The following KLF17 variants were observed in gnomAD, a reference collection of about 807,000 sequenced individuals.
KLF17 encodes Krueppel-like factor 17.
KLF17 carries 31 observed loss-of-function variants against 34.2 expected under a neutral mutation model. The ratio of observed to expected loss-of-function variants is 0.91; its 90% confidence interval spans 0.68 to 1.22. The LOEUF (loss-of-function observed/expected upper bound fraction) is 1.22. Among genes scored for constraint, KLF17 ranks in the 50% most tolerant of loss-of-function variants. The probability of loss-of-function intolerance (pLI) is 0.00; values close to 1 mark genes in which losing one functional copy is unlikely to be tolerated. For synonymous variants in KLF17, 179 were observed against 186.7 expected (o/e 0.96, Z 0.34); for missense variants, 478 against 505.2 (o/e 0.95, Z 0.52).
the KLF17 span, among the ~76,000 whole-genome samples, chr1:44,069,469 CGAGAGAGAGAGAGAGAGA>C: frequency 1.8e-4 from 23 of 127,082 alleles, no homozygotes; most frequent in African/African-American, 2.4e-4. This position sits in a 1 kb window ranked among gnomAD's most constrained non-coding sequence, Gnocchi z 4.7. Flanking sequence ...TGTTACATGG[CGAGAGAGAGAGAGAGAGA>C]GAGAGAGAGA....
At position 44,125,054 on chromosome 1, in the gene KLF17, G is replaced by A. The variant is rs79067932; in HGVS notation, c.82-4299G>A. On this transcript the variant is annotated intron_variant, in intron 1 of 3. Coordinates refer to ENST00000372299, the MANE Select transcript of KLF17 (RefSeq NM_173484.4). Reference sequence around the variant, plus strand: ...AATCATGTAGAAAACAAAAAGTGGAGTTATATATCAAAGTTAAAATAATAC... The same window carrying A: ...AATCATGTAGAAAACAAAAAGTGGAATTATATATCAAAGTTAAAATAATAC... 6.1e-4 allele frequency among the ~76,000 whole-genome samples: 93 copies of A among 152,236 alleles called. 1 individual carries two copies. In the East Asian group the frequency reaches 0.018, roughly 29 times the overall value.
chr1:44,078,946 A>G, the KLF17 span, among the ~76,000 whole-genome samples: 65 of 152,276 alleles, frequency 4.3e-4, no homozygotes, highest in Admixed American at 3.5e-3. Flanking sequence ...CAGCCTCCCA[A>G]AGTGCTGGGA....
At chr1:44,056,486 C>A in the KLF17 span, among the ~76,000 whole-genome samples, 1 of 152,152 alleles carries the variant, frequency 6.6e-6, no homozygotes, top group African/African-American at 2.4e-5. Context: ...CAAGCCACTC[C>A]GTGAAGCTCT....
Position 44,134,325 on chromosome 1 carries a change from A to AT in KLF17, c.*1090dup, listed in dbSNP as rs1397165056. 6.6e-6 allele frequency: 1 copy of AT among 152,118 alleles called. No homozygotes were observed. Among genetic ancestry groups the AT allele is most frequent in the African/African-American group, 2.4e-5 (1 of 41,412 alleles). 9.4% of individuals were successfully genotyped at this position (152,118 alleles called of 1,614,324 possible). A position where few individuals can be genotyped will look rare whatever the true frequency, so the allele number is the denominator to read the frequency against. ...GCAGGCGGATCATTTGAGGTTAGAG[A>AT]TTCGAGACCAGCCGGGCCAACATGG... On this transcript the variant is annotated 3_prime_UTR_variant, in exon 4 of 4. Coordinates refer to ENST00000372299, the MANE Select transcript of KLF17 (RefSeq NM_173484.4).
the KLF17 span, among the ~76,000 whole-genome samples, chr1:44,069,383 G>A: frequency 6.6e-6 from 1 of 152,000 alleles, no homozygotes; most frequent in East Asian, 1.9e-4. The surrounding 1 kb of genome is among the most constrained non-coding windows in gnomAD (Gnocchi z 4.7). Flanking sequence ...GGTTCTGCAG[G>A]CTGTCAGGAA....
intron 1 of KLF17, among the ~76,000 whole-genome samples, chr1:44,127,175 C>G (rs2088018842): frequency 6.6e-6 from 1 of 151,736 alleles, no homozygotes; most frequent in South Asian, 2.1e-4. Context: ...TCCCAAAGAG[C>G]TAGGATCATA....
In KLF17 at chr1:44,133,522, A is replaced by G. The variant is rs1279842243; in HGVS notation, c.*285A>G. On this transcript the variant is annotated 3_prime_UTR_variant, in exon 4 of 4. Coordinates refer to ENST00000372299, the MANE Select transcript of KLF17 (RefSeq NM_173484.4). ...TGGACATATACCGTTGGACATGTCTATCTTCTGGAAACTATGGCATGGACA... is the reference window on the plus strand; with the variant it reads ...TGGACATATACCGTTGGACATGTCTGTCTTCTGGAAACTATGGCATGGACA... 6.6e-6 allele frequency: 1 copy of G among 152,246 alleles called. No homozygotes were observed. The highest frequency in any genetic ancestry group is 6.5e-5 in the Admixed American group (1 of 15,286). 9.4% of individuals were successfully genotyped at this position (152,246 alleles called of 1,614,324 possible).
chr1:44,098,482 T>G, the KLF17 span, among the ~76,000 whole-genome samples: 1 of 150,900 alleles, frequency 6.6e-6, no homozygotes, highest in Admixed American at 6.6e-5. Context: ...TATTATTATT[T>G]TTTTTAAAAA....
At chr1:44,076,973 T>G in the KLF17 span, among the ~76,000 whole-genome samples, 1 of 149,298 alleles carries the variant, frequency 6.7e-6, no homozygotes, top group East Asian at 2.0e-4. Context: ...TGGCATCAAG[T>G]GATCCTCCTA....
rs749005256 is a variant in KLF17, at chr1:44,129,677, G to A, written c.406G>A (p.Gly136Arg). 5 of 1,614,180 alleles carry A rather than the reference G, an allele frequency of 3.1e-6. No homozygotes were observed. In the Admixed American group the frequency reaches 6.7e-5, roughly 22 times the overall value. The change falls in exon 2 of 4, where the codon GGA becomes AGA. Residue 136 changes from glycine (G) to arginine (R), a missense_variant. Physicochemically the swap from Gly to Arg is moderately radical, Grantham distance 125. Transcript: ENST00000372299. The part of the protein sequence containing the change: ...IFSGPQLMPV[G>R]EPNIPRVARP... Reference sequence around the variant, plus strand: ...CAGTGGGCCCCAACTAATGCCCGTAGGAGAGCCCAATATTCCAAGGGTAGC... The same window carrying A: ...CAGTGGGCCCCAACTAATGCCCGTAAGAGAGCCCAATATTCCAAGGGTAGC...
the KLF17 span, among the ~76,000 whole-genome samples, chr1:44,069,623 G>A: frequency 6.6e-6 from 1 of 152,116 alleles, no homozygotes; most frequent in Non-Finnish European, 1.5e-5. The surrounding 1 kb of genome is among the most constrained non-coding windows in gnomAD (Gnocchi z 4.7). Context: ...ATCCGCCTCC[G>A]GGACCTAAAC....
At chr1:44,096,849 A>G in the KLF17 span, among the ~76,000 whole-genome samples, 36 of 152,116 alleles carry the variant, frequency 2.4e-4, no homozygotes, top group African/African-American at 8.7e-4. Context: ...CCATTTGTCA[A>G]TTTTGGCTTT....
At chr1:44,094,598 A>G in the KLF17 span, among the ~76,000 whole-genome samples, 2 of 152,146 alleles carry the variant, frequency 1.3e-5, no homozygotes, top group Non-Finnish European at 2.9e-5. Context: ...TGACAATACT[A>G]TCCTCTCCCC....
the KLF17 span, chr1:44,074,815 T>C: frequency 1.3e-5 from 2 of 152,206 alleles, no homozygotes; most frequent in Non-Finnish European, 2.9e-5. Context: ...GAAGGCCCTT[T>C]TCTTCTTTAT....
At chr1:44,045,828 T>A in the KLF17 span, among the ~76,000 whole-genome samples, 36 of 152,138 alleles carry the variant, frequency 2.4e-4, no homozygotes, top group Non-Finnish European at 4.4e-4. Flanking sequence ...TCATCCAGAA[T>A]GTGTCCCTCC....
chr1:44,073,600 A>C, the KLF17 span, among the ~76,000 whole-genome samples: 3 of 152,076 alleles, frequency 2.0e-5, no homozygotes, highest in Non-Finnish European at 2.9e-5. Context: ...AAAGAGAGGC[A>C]AGAGAAGAGA....
chr1:44,103,662 C>G, the KLF17 span: 2 of 1,610,266 alleles, frequency 1.2e-6, no homozygotes, highest in South Asian at 1.1e-5. Context: ...CTAGTACTCA[C>G]GCAGCTGCCG....
chr1:44,073,283 C>T, the KLF17 span, among the ~76,000 whole-genome samples: 179 of 150,964 alleles, frequency 1.2e-3, 2 homozygotes, highest in African/African-American at 1.4e-3. Context: ...TTCGGCTCAC[C>T]GCAACCTCTG....
At chr1:44,103,763 G>A in the KLF17 span, 18 of 1,131,110 alleles carry the variant, frequency 1.6e-5, no homozygotes, top group East Asian at 2.3e-5. Context: ...CAGGCTGCTC[G>A]GCATCTGTGA....
Sources: allele counts gnomAD v4.1 joint callset (sites outside exome capture counted in the v4.1 genomes callset), GRCh38; gene constraint gnomAD v4.1.1; non-coding constraint Gnocchi (gnomAD v3.1); transcripts MANE v1.5; gene names NCBI Gene and HGNC (gene_info 2026-07-23, HGNC 2026-07-21).